INPP4B: variants seen among roughly 807,000 people sequenced by gnomAD.
INPP4B encodes inositol polyphosphate 4-phosphatase type II.
In INPP4B, 55 loss-of-function variants were observed where a neutral mutation model predicts 122.5. The ratio of observed to expected loss-of-function variants is 0.45; its 90% CI spans 0.36 to 0.56. INPP4B has a LOEUF of 0.56. Among genes scored for constraint, INPP4B ranks in the 20% least tolerant of loss-of-function variants. The pLI, the probability that INPP4B is intolerant of heterozygous loss-of-function variation, is 0.00. For missense variants in INPP4B, 1,000 were observed against 1,097.7 expected (o/e 0.91, Z 1.26); for synonymous variants, 403 against 388.7 (o/e 1.04, Z -0.43).
intron 7 of INPP4B, among the ~76,000 whole-genome samples, chr4:142,386,371 T>C (rs901786786): frequency 2.0e-5 from 3 of 152,192 alleles, no homozygotes; most frequent in African/African-American, 7.2e-5. Flanking sequence ...ACTTCTTCAA[T>C]ATACTGATTT....
At chr4:142,554,666 A>G (rs1017783845) in intron 2 of INPP4B, among the ~76,000 whole-genome samples, 8 of 152,186 alleles carry the variant, frequency 5.3e-5, no homozygotes, top group South Asian at 2.1e-4. Context: ...TGTGTTTTCA[A>G]CCTCACTAAT....
At chr4:142,604,133 A>C (rs958910431) in intron 2 of INPP4B, among the ~76,000 whole-genome samples, 2 of 152,208 alleles carry the variant, frequency 1.3e-5, no homozygotes, top group Admixed American at 1.3e-4. Context: ...AAATCTTATG[A>C]TCATATCAAT....
chr4:142,522,013 G>T (rs866379334), intron 2 of INPP4B, among the ~76,000 whole-genome samples: 20 of 152,072 alleles, frequency 1.3e-4, no homozygotes, highest in Non-Finnish European at 7.4e-5. Context: ...CAGTGGATTA[G>T]AATCTTGCCC....
chr4:142,379,258 G>A (rs903305143), intron 7 of INPP4B, among the ~76,000 whole-genome samples: 149 of 152,042 alleles, frequency 9.8e-4, no homozygotes, highest in African/African-American at 3.5e-3. Context: ...ATATCCTTGT[G>A]AATTCACACT....
chr4:142,585,817 C>T (rs1372918180), intron 2 of INPP4B, among the ~76,000 whole-genome samples: 2 of 150,106 alleles, frequency 1.3e-5, no homozygotes, highest in East Asian at 3.9e-4. Context: ...AATATTATGA[C>T]TATCCTCAAA....
chr4:142,843,168 C>T (rs538209237), intron 1 of INPP4B, among the ~76,000 whole-genome samples: 2 of 149,902 alleles, frequency 1.3e-5, no homozygotes, highest in African/African-American at 5.0e-5. Context: ...GTATATACTG[C>T]TCTAAAGTTT....
intron 21 of INPP4B, 97 bp from the exon 22 acceptor site, chr4:142,112,779 G>T: frequency 1.7e-6 from 2 of 1,174,836 alleles, no homozygotes; most frequent in Non-Finnish European, 2.4e-6. Context: ...TTGGAATATA[G>T]CACTGATTTA....
At chr4:142,455,440 T>A (rs1422637556) in intron 3 of INPP4B, among the ~76,000 whole-genome samples, 1 of 152,032 alleles carries the variant, frequency 6.6e-6, no homozygotes, top group Non-Finnish European at 1.5e-5. Flanking sequence ...GTTGCCTGAT[T>A]TCACTTAACA....
chr4:142,649,919 T>C (rs1334173188), intron 2 of INPP4B, among the ~76,000 whole-genome samples: 1 of 152,172 alleles, frequency 6.6e-6, no homozygotes, highest in African/African-American at 2.4e-5. Flanking sequence ...AATTGTCAGA[T>C]TCACCAAGGT....
intron 7 of INPP4B, among the ~76,000 whole-genome samples, chr4:142,401,469 T>A (rs1801560949): frequency 6.6e-6 from 1 of 152,112 alleles, no homozygotes; most frequent in South Asian, 2.1e-4. Context: ...AAAGAAGTAA[T>A]AAACAGCAAA....
rs771884792 is a variant in INPP4B, at chr4:142,028,881, A to G, written c.2676T>C (p.Asn892=). 6.2e-7 allele frequency: 1 copy of G among 1,613,488 alleles called. No individual in the cohort carries two copies. The highest frequency in any genetic ancestry group is 1.1e-5 in the South Asian group (1 of 91,040). The part of the protein sequence containing the change: ...EGCRIENVLK[N]IKCRKYAFNM... ...TGAAAGCATACTTTCTGCATTTGAT[A>G]TTCTTCAGTACATTCTCTATGCGGC... Residue 892 remains asparagine, a synonymous_variant, in exon 26 of 26, where the codon AAT becomes AAC. Transcript: ENST00000262992.
At chr4:142,045,965 G>A (rs1309030971) in intron 25 of INPP4B, among the ~76,000 whole-genome samples, 1 of 152,004 alleles carries the variant, frequency 6.6e-6, no homozygotes, top group Non-Finnish European at 1.5e-5. Flanking sequence ...AGCGAGCGGT[G>A]AGGACTTTTT....
intron 2 of INPP4B, among the ~76,000 whole-genome samples, chr4:142,577,773 T>C (rs562386828): frequency 7.0e-4 from 107 of 152,106 alleles, no homozygotes; most frequent in Admixed American, 5.8e-3. Flanking sequence ...TTTTCTCTCT[T>C]ATTCTGATTG....
chr4:142,073,195 C>T (rs1768560180), intron 25 of INPP4B, among the ~76,000 whole-genome samples: 1 of 152,124 alleles, frequency 6.6e-6, no homozygotes, highest in African/African-American at 2.4e-5. Flanking sequence ...TGATGTCATT[C>T]ACACTCATAT....
chr4:142,529,084 C>T (rs970228664), intron 2 of INPP4B, among the ~76,000 whole-genome samples: 10 of 152,008 alleles, frequency 6.6e-5, no homozygotes, highest in Non-Finnish European at 1.5e-4. Flanking sequence ...AATGTGTTGG[C>T]ATTTCTCCTA....
At chr4:142,158,852 A>C (rs1223473669) in intron 17 of INPP4B, among the ~76,000 whole-genome samples, 1 of 151,930 alleles carries the variant, frequency 6.6e-6, no homozygotes, top group Non-Finnish European at 1.5e-5. Flanking sequence ...AGGGGGAAAA[A>C]TTCCAAGATT....
chr4:142,682,269 C>G (rs1479962734), intron 2 of INPP4B, among the ~76,000 whole-genome samples: 1 of 151,700 alleles, frequency 6.6e-6, no homozygotes, highest in Admixed American at 6.6e-5. Context: ...ATCTCTCCCT[C>G]TCTCTCCCTC....
At chr4:142,583,800 G>A (rs1383644118) in intron 2 of INPP4B, among the ~76,000 whole-genome samples, 1 of 151,984 alleles carries the variant, frequency 6.6e-6, no homozygotes, top group Non-Finnish European at 1.5e-5. Context: ...TACTTTTTCT[G>A]GGGTAATCCT....
chr4:142,073,781 G>T (rs573113977), intron 25 of INPP4B, among the ~76,000 whole-genome samples: 1 of 152,112 alleles, frequency 6.6e-6, no homozygotes, highest in East Asian at 1.9e-4. Context: ...GGCATAAATA[G>T]ACTCTAGGTT....
Sources: allele counts gnomAD v4.1 joint callset (sites outside exome capture counted in the v4.1 genomes callset), GRCh38; gene constraint gnomAD v4.1.1; transcripts MANE v1.5; gene names NCBI Gene and HGNC (gene_info 2026-07-23, HGNC 2026-07-21).